Variants in TBL1X observed in about 807,000 individuals in gnomAD.
TBL1X encodes the protein F-box-like/WD repeat-containing protein TBL1X.
In TBL1X, 10 loss-of-function variants were observed where a neutral mutation model predicts 50.7. The observed-to-expected ratio is 0.20, with a 90% CI of 0.12 to 0.33. The LOEUF is 0.33. TBL1X is among the 10% of genes least tolerant of loss of function. The pLI is 1.00. For missense variants in TBL1X, 340 were observed against 504.4 expected, an observed-to-expected ratio of 0.67 and a Z score of 3.12; for synonymous variants, 190 against 214.7, an observed-to-expected ratio of 0.88 and a Z score of 1.01.
At chrX:9,679,648 C>T (rs1202909555) in intron 5 of TBL1X, among the ~76,000 whole-genome samples, 1 of 112,034 alleles carries the variant, frequency 8.9e-6, no homozygotes, top group African/African-American at 3.2e-5. Context: ...TTTGTTCCTA[C>T]GGATGTCTTG....
intron 2 of TBL1X, among the ~76,000 whole-genome samples, chrX:9,512,793 C>T (rs1371019834): frequency 1.8e-5 from 2 of 111,263 alleles, no homozygotes; most frequent in Non-Finnish European, 3.8e-5. Context: ...GCCACCGCAC[C>T]CGGCCAGTGT....
intron 2 of TBL1X, among the ~76,000 whole-genome samples, chrX:9,532,322 A>G (rs1238105112): frequency 1.8e-5 from 2 of 111,969 alleles, no homozygotes; most frequent in African/African-American, 6.5e-5. Context: ...GAGGGAGGGT[A>G]AAATTACAAT....
chrX:9,660,161 G>T (rs1235509055), intron 5 of TBL1X, among the ~76,000 whole-genome samples: 1 of 112,852 alleles, frequency 8.9e-6, no homozygotes, highest in East Asian at 2.8e-4. Flanking sequence ...AAAGCTCTCT[G>T]TGCATTTGCC....
intron 13 of TBL1X, among the ~76,000 whole-genome samples, chrX:9,707,453 C>T (rs1256030521): frequency 3.6e-5 from 4 of 112,673 alleles, no homozygotes; most frequent in Non-Finnish European, 5.6e-5. Flanking sequence ...CCAGCACAGG[C>T]CTTGGCCCTT....
intron 9 of TBL1X, among the ~76,000 whole-genome samples, chrX:9,692,856 G>C (rs1449502678): frequency 8.9e-6 from 1 of 112,722 alleles, no homozygotes; most frequent in Non-Finnish European, 1.9e-5. Context: ...CCCCAAGGTA[G>C]TTCTTCTGGA....
chrX:9,575,712 C>T (rs897922912), intron 2 of TBL1X, among the ~76,000 whole-genome samples: 1 of 112,153 alleles, frequency 8.9e-6, no homozygotes, highest in Non-Finnish European at 1.9e-5. Context: ...GATTGGCTAA[C>T]TTCCATCAGA....
chrX:9,476,517 G>A (rs940558038), intron 1 of TBL1X, among the ~76,000 whole-genome samples: 6 of 112,125 alleles, frequency 5.4e-5, no homozygotes, highest in East Asian at 2.8e-4. Context: ...ACCCTAAGTC[G>A]GCTGACCTCT....
intron 1 of TBL1X, 60 bp from the exon 2 acceptor site, chrX:9,501,720 A>T (rs2082002422): frequency 9.0e-6 from 1 of 111,430 alleles, no homozygotes; most frequent in Non-Finnish European, 1.9e-5. Flanking sequence ...TTTATTATTG[A>T]TATACTATTA....
intron 2 of TBL1X, among the ~76,000 whole-genome samples, chrX:9,505,460 A>G (rs760196121): frequency 8.9e-6 from 1 of 112,165 alleles, no homozygotes; most frequent in Non-Finnish European, 1.9e-5. Context: ...TTAACCTTAA[A>G]TGTAAATGGG....
At chrX:9,516,466 G>C (rs2082081478) in intron 2 of TBL1X, among the ~76,000 whole-genome samples, 1 of 112,245 alleles carries the variant, frequency 8.9e-6, no homozygotes, top group African/African-American at 3.2e-5. Context: ...CGGAGATAAA[G>C]AGAGAGCCAC....
chrX:9,508,879 G>C (rs939343046), intron 2 of TBL1X, among the ~76,000 whole-genome samples: 1 of 109,940 alleles, frequency 9.1e-6, no homozygotes, highest in African/African-American at 3.3e-5. Context: ...AGGGGGAGTT[G>C]AACATTGAGA....
intron 2 of TBL1X, among the ~76,000 whole-genome samples, chrX:9,543,320 T>G (rs184022466): frequency 2.2e-3 from 248 of 112,110 alleles, no homozygotes; most frequent in African/African-American, 7.5e-3. Flanking sequence ...CAGGAATCTC[T>G]GTGGGGTGGT....
At chrX:9,584,413 A>G (rs2082458182) in intron 2 of TBL1X, among the ~76,000 whole-genome samples, 1 of 112,481 alleles carries the variant, frequency 8.9e-6, no homozygotes, top group South Asian at 3.6e-4. Flanking sequence ...TCTTGCATGT[A>G]AAAAGCAAGA....
chrX:9,659,755 G>T lies in TBL1X; in HGVS notation c.211+5433G>T, dbSNP rs188205305. Among the ~76,000 whole-genome samples the T allele has an allele frequency of 8.0e-5, 9 of 112,075 alleles. No individual in the cohort carries two copies. The East Asian group carries it at 2.5e-3, about 31-fold the overall frequency. ...ATGACTGGTTTTATAGACGTGAGTT[G>T]AGTCACAGAACTCCTCTGCCTGTCG... On this transcript the variant is annotated intron_variant, in intron 5 of 17. Coordinates refer to ENST00000645353, the MANE Select transcript of TBL1X (RefSeq NM_005647.4).
intron 1 of TBL1X, among the ~76,000 whole-genome samples, chrX:9,475,403 G>A (rs985801668): frequency 9.1e-6 from 1 of 109,394 alleles, no homozygotes; most frequent in Non-Finnish European, 1.9e-5. Context: ...CCACCACCAC[G>A]CCTGGCTAAT....
At chrX:9,564,415 T>C (rs1452778698) in intron 2 of TBL1X, among the ~76,000 whole-genome samples, 2 of 89,697 alleles carry the variant, frequency 2.2e-5, no homozygotes, top group East Asian at 6.7e-4. Flanking sequence ...GTGGCTCTTG[T>C]AGTACAGACT....
intron 2 of TBL1X, among the ~76,000 whole-genome samples, chrX:9,512,443 G>A (rs1401834155): frequency 9.0e-6 from 1 of 111,092 alleles, no homozygotes; most frequent in Non-Finnish European, 1.9e-5. Flanking sequence ...TATTTGTTAT[G>A]TCAGGGTTCC....
At chrX:9,484,880 G>A (rs951542781) in intron 1 of TBL1X, among the ~76,000 whole-genome samples, 2 of 96,010 alleles carry the variant, frequency 2.1e-5, no homozygotes, top group Admixed American at 2.4e-4. Context: ...CGAGAAGTTC[G>A]AGACCAGCCT....
At chrX:9,562,519 T>G (rs1049547507) in intron 2 of TBL1X, among the ~76,000 whole-genome samples, 1 of 111,889 alleles carries the variant, frequency 8.9e-6, no homozygotes, top group African/African-American at 3.2e-5. Flanking sequence ...TGTGTGACTT[T>G]AATGTCTCTT....
Sources: allele counts gnomAD v4.1 joint callset (sites outside exome capture counted in the v4.1 genomes callset), GRCh38; gene constraint gnomAD v4.1.1; transcripts MANE v1.5; gene names NCBI Gene and HGNC (gene_info 2026-07-23, HGNC 2026-07-21).